The following RNF121 variants were observed in gnomAD, a reference collection of about 807,000 sequenced individuals.
RNF121 encodes ring finger protein 121.
RNF121 carries 21 observed loss-of-function variants against 46.5 expected under a neutral mutation model. The observed-to-expected ratio is 0.45, with a 90% CI of 0.32 to 0.65. The LOEUF (loss-of-function observed/expected upper bound fraction) is 0.65, where lower values mean the gene tolerates loss of function less well. RNF121 is among the 30% of genes least tolerant of loss of function. The pLI is 0.04. For synonymous variants in RNF121, 139 were observed against 144.7 expected, an observed-to-expected ratio of 0.96 and a Z score of 0.28; for missense variants, 346 against 416.0, an observed-to-expected ratio of 0.83 and a Z score of 1.46.
chr11:71,966,639 G>A (rs189945457), intron 3 of RNF121, among the ~76,000 whole-genome samples: 2 of 151,354 alleles, frequency 1.3e-5, no homozygotes, highest in Admixed American at 6.6e-5. Context: ...ACACCACCAC[G>A]CTTGGCTAAT....
At chr11:71,989,753 A>G (rs1490323786) in intron 5 of RNF121, among the ~76,000 whole-genome samples, 2 of 152,170 alleles carry the variant, frequency 1.3e-5, no homozygotes, top group Non-Finnish European at 2.9e-5. Context: ...ATAGACTTGG[A>G]CCAAAATTTA....
intron 1 of RNF121, among the ~76,000 whole-genome samples, chr11:71,950,484 T>C (rs1029492699): frequency 3.9e-4 from 59 of 150,036 alleles, no homozygotes; most frequent in African/African-American, 1.3e-3. Flanking sequence ...CTGGGGAGGC[T>C]GAGGCAGGAG....
At chr11:71,984,745 A>ATTTTTTTTTTT (rs56134788) in intron 4 of RNF121, among the ~76,000 whole-genome samples, 161 of 94,848 alleles carry the variant, frequency 1.7e-3, no homozygotes, top group South Asian at 4.2e-3. Context: ...CACCCGGCTA[A>ATTTTTTTTTTT]TTTTTTTTTT....
At chr11:71,978,495 A>G (rs6592455) in intron 3 of RNF121, among the ~76,000 whole-genome samples, 135,180 of 152,192 alleles carry the variant, frequency 0.89, 60,286 homozygotes, top group Non-Finnish European at 0.94. Context: ...ATCACTTTTC[A>G]TATGTCAGTT....
intron 8 of RNF121, among the ~76,000 whole-genome samples, chr11:71,995,755 C>T (rs1296170701): frequency 2.0e-5 from 3 of 152,226 alleles, no homozygotes; most frequent in Non-Finnish European, 4.4e-5. Flanking sequence ...TATTCTCAGC[C>T]TCCTTGCAGC....
chr11:71,972,737 C>CTAGG (rs1954445468), intron 3 of RNF121, among the ~76,000 whole-genome samples: 1 of 151,886 alleles, frequency 6.6e-6, no homozygotes, highest in African/African-American at 2.4e-5. Context: ...CAAAATCATC[C>CTAGG]CTGATGAGAA....
At chr11:71,994,342 C>T (rs1295574591) in intron 6 of RNF121, among the ~76,000 whole-genome samples, 3 of 152,174 alleles carry the variant, frequency 2.0e-5, no homozygotes. Context: ...TTGTCCATTT[C>T]TGGTGGAACC....
At chr11:71,949,642 G>A (rs1485531183) in intron 1 of RNF121, among the ~76,000 whole-genome samples, 2 of 152,082 alleles carry the variant, frequency 1.3e-5, no homozygotes, top group African/African-American at 4.8e-5. Flanking sequence ...CTTGAACCCA[G>A]GAGACCAAGG....
chr11:71,934,941 CTTTT>C (rs34428026), intron 1 of RNF121, among the ~76,000 whole-genome samples: 5 of 135,366 alleles, frequency 3.7e-5, no homozygotes, highest in East Asian at 2.1e-4. Context: ...CAAATGCATT[CTTTT>C]TTTTTTTTTT....
At chr11:71,976,591 C>T (rs954173412) in intron 3 of RNF121, among the ~76,000 whole-genome samples, 15 of 151,986 alleles carry the variant, frequency 9.9e-5, no homozygotes, top group Admixed American at 9.8e-4. Context: ...ATCTCTTGAC[C>T]TCGTGATCTG....
intron 1 of RNF121, among the ~76,000 whole-genome samples, chr11:71,930,111 G>C (rs1176448292): frequency 6.6e-6 from 1 of 152,198 alleles, no homozygotes; most frequent in Non-Finnish European, 1.5e-5. Context: ...GGAATGAAGG[G>C]ACAGGGCAGA....
intron 5 of RNF121, among the ~76,000 whole-genome samples, chr11:71,987,792 A>G (rs10793014): frequency 0.92 from 140,144 of 152,242 alleles, 64,804 homozygotes; most frequent in Non-Finnish European, 0.98. Context: ...GACTTAGAAG[A>G]ATACAAAATA....
intron 3 of RNF121, among the ~76,000 whole-genome samples, chr11:71,962,819 G>A (rs1029777083): frequency 3.9e-5 from 6 of 152,160 alleles, no homozygotes; most frequent in Non-Finnish European, 7.3e-5. Context: ...CTGTCCTAAC[G>A]TGGGTTGGGT....
chr11:71,934,354 G>C (rs1442105524), intron 1 of RNF121, among the ~76,000 whole-genome samples: 1 of 152,178 alleles, frequency 6.6e-6, no homozygotes, highest in African/African-American at 2.4e-5. Flanking sequence ...ATATGTCACA[G>C]GTGCTGTGAT....
chr11:71,975,111 C>T (rs1565156100), intron 3 of RNF121, among the ~76,000 whole-genome samples: 1 of 152,160 alleles, frequency 6.6e-6, no homozygotes, highest in Non-Finnish European at 1.5e-5. Context: ...CCTCCTGGAA[C>T]CGGTGAGTGG....
chr11:71,967,952 A>G (rs1306174501), intron 3 of RNF121, among the ~76,000 whole-genome samples: 1 of 152,196 alleles, frequency 6.6e-6, no homozygotes, highest in Non-Finnish European at 1.5e-5. Context: ...AGCTCTTTGT[A>G]GGTCAGGAAT....
intron 1 of RNF121, among the ~76,000 whole-genome samples, chr11:71,950,827 T>C (rs1285716498): frequency 6.6e-6 from 1 of 152,060 alleles, no homozygotes; most frequent in African/African-American, 2.4e-5. Flanking sequence ...CTGTGGTAAC[T>C]AGGGAAACTA....
chr11:71,943,970 C>T (rs1425288755), intron 1 of RNF121, among the ~76,000 whole-genome samples: 1 of 152,040 alleles, frequency 6.6e-6, no homozygotes, highest in Non-Finnish European at 1.5e-5. Flanking sequence ...ACACATAAGG[C>T]CTTATATGCT....
intron 3 of RNF121, among the ~76,000 whole-genome samples, chr11:71,978,997 A>G (rs1270033167): frequency 6.6e-6 from 1 of 152,254 alleles, no homozygotes; most frequent in Non-Finnish European, 1.5e-5. Flanking sequence ...CTGAAGGCTA[A>G]CAGAATCATT....
Sources: gnomAD v4.1 joint callset for allele counts (sites outside exome capture counted in the v4.1 genomes callset) on GRCh38, gnomAD v4.1.1 for gene constraint, MANE v1.5 for transcripts, NCBI Gene and HGNC (gene_info 2026-07-23, HGNC 2026-07-21) for gene names.